Variants in MAST4 observed in about 807,000 individuals in gnomAD.
MAST4 encodes microtubule associated serine/threonine kinase family member 4.
A neutral mutation model predicts 162.7 loss-of-function variants in MAST4; 89 were observed. That is an observed-to-expected ratio of 0.55 (90% CI 0.46 to 0.65). The LOEUF (loss-of-function observed/expected upper bound fraction) is 0.65, where lower values mean the gene tolerates loss of function less well. Among genes scored for constraint, MAST4 ranks in the 30% least tolerant of loss-of-function variants. The pLI is 0.00. For synonymous variants in MAST4, 1,479 were observed against 1,361.1 expected, an observed-to-expected ratio of 1.09 and a Z score of -1.91; for missense variants, 3,153 against 3,374.0, an observed-to-expected ratio of 0.93 and a Z score of 1.62.
intron 1 of MAST4, among the ~76,000 whole-genome samples, chr5:66,708,232 G>A (rs1282429127): frequency 1.3e-5 from 2 of 152,094 alleles, no homozygotes; most frequent in East Asian, 1.9e-4. Context: ...GATGAGGTTC[G>A]TGCCTTAGCT....
At chr5:66,677,862 G>C (rs1022260440) in intron 1 of MAST4, among the ~76,000 whole-genome samples, 3 of 152,134 alleles carry the variant, frequency 2.0e-5, no homozygotes, top group African/African-American at 4.8e-5. Context: ...CAGGGTTCTT[G>C]TGATGTAGCT....
chr5:66,844,106 G>T (rs1029144450), intron 3 of MAST4, among the ~76,000 whole-genome samples: 1 of 149,780 alleles, frequency 6.7e-6, no homozygotes. Flanking sequence ...TGTAAAGTCT[G>T]GCATTCATCT....
intron 1 of MAST4, among the ~76,000 whole-genome samples, chr5:66,678,140 T>C (rs1748080398): frequency 6.6e-6 from 1 of 151,666 alleles, no homozygotes; most frequent in Admixed American, 6.6e-5. Context: ...TTATGTTAAC[T>C]GAAATAAGCC....
chr5:66,995,211 T>C (rs921103582), intron 4 of MAST4, among the ~76,000 whole-genome samples: 5 of 152,212 alleles, frequency 3.3e-5, no homozygotes, highest in Admixed American at 3.3e-4. Context: ...CATAGAGCTT[T>C]TATTAATGCA....
At chr5:66,926,654 A>G (rs28470833) in intron 4 of MAST4, among the ~76,000 whole-genome samples, 4 of 151,790 alleles carry the variant, frequency 2.6e-5, no homozygotes, top group African/African-American at 7.3e-5. Flanking sequence ...GTGTATATGT[A>G]TATATATGTG....
chr5:66,946,445 A>T lies in MAST4; in HGVS notation c.674+46463A>T, dbSNP rs1744035757. ...TTTCATTTACCGCCTCAGGTAAAAT[A>T]AATAAATAAATGAATTCTATTCCCT... On this transcript the variant is annotated intron_variant, in intron 4 of 28. Coordinates refer to ENST00000403625, the MANE Select transcript of MAST4 (RefSeq NM_001164664.2). Among the ~76,000 whole-genome samples, 6 of 152,174 alleles carry T rather than the reference A, an allele frequency of 3.9e-5. No homozygotes were observed. In the South Asian group the frequency reaches 1.2e-3, roughly 31 times the overall value.
At chr5:66,807,468 A>G (rs1012988103) in intron 3 of MAST4, among the ~76,000 whole-genome samples, 2 of 151,440 alleles carry the variant, frequency 1.3e-5, no homozygotes, top group Non-Finnish European at 1.5e-5. Flanking sequence ...TGCAGTCCGC[A>G]GTCCGGCCTG....
chr5:67,049,937 A>G (rs1411597299), intron 4 of MAST4, among the ~76,000 whole-genome samples: 1 of 152,212 alleles, frequency 6.6e-6, no homozygotes, highest in Non-Finnish European at 1.5e-5. Context: ...TTCTTCTGCC[A>G]GGAGACAAGT....
intron 4 of MAST4, among the ~76,000 whole-genome samples, chr5:67,022,480 T>G (rs947350544): frequency 3.3e-5 from 5 of 151,914 alleles, no homozygotes; most frequent in Admixed American, 2.0e-4. Context: ...TGCATATACT[T>G]TAGGACGAAG....
At chr5:66,887,731 A>C (rs1762127703) in intron 3 of MAST4, among the ~76,000 whole-genome samples, 1 of 152,326 alleles carries the variant, frequency 6.6e-6, no homozygotes, top group South Asian at 2.1e-4. Flanking sequence ...CTGTGTGAGA[A>C]AATGTCCCTT....
intron 4 of MAST4, among the ~76,000 whole-genome samples, chr5:66,960,480 A>T (rs904241314): frequency 2.0e-5 from 3 of 149,200 alleles, no homozygotes; most frequent in Non-Finnish European, 4.4e-5. Context: ...TCCCATCTCC[A>T]CCCCCACCCT....
chr5:66,638,936 T>A (rs1745303181), intron 1 of MAST4, among the ~76,000 whole-genome samples: 1 of 152,154 alleles, frequency 6.6e-6, no homozygotes, highest in South Asian at 2.1e-4. Context: ...AAGCAGTAGT[T>A]AAGGGTTCTG....
intron 5 of MAST4, among the ~76,000 whole-genome samples, chr5:67,088,097 G>A (rs1043883130): frequency 1.3e-5 from 2 of 152,090 alleles, no homozygotes; most frequent in African/African-American, 4.8e-5. Flanking sequence ...TCAGCATGGG[G>A]ACCATTCACT....
intron 4 of MAST4, among the ~76,000 whole-genome samples, chr5:66,995,711 T>A (rs1051776976): frequency 1.1e-4 from 16 of 152,190 alleles, no homozygotes; most frequent in African/African-American, 3.4e-4. Flanking sequence ...GAAAATTTTT[T>A]AAATTTAAAA....
chr5:66,915,256 A>T, intron 4 of MAST4, among the ~76,000 whole-genome samples: 1 of 134,336 alleles, frequency 7.4e-6, no homozygotes, highest in Non-Finnish European at 1.5e-5. Context: ...TCAGAGTGAG[A>T]CTCTTGTCTC....
At chr5:66,905,302 C>CAAAAAAAAAAAAAAA (rs60337775) in intron 4 of MAST4, among the ~76,000 whole-genome samples, 1 of 78,456 alleles carries the variant, frequency 1.3e-5, no homozygotes, top group East Asian at 4.3e-4. Flanking sequence ...AACTCTGTCT[C>CAAAAAAAAAAAAAAA]AAAAAAAAAA....
intron 1 of MAST4, among the ~76,000 whole-genome samples, chr5:66,615,181 G>A (rs1273136599): frequency 1.3e-5 from 2 of 152,154 alleles, no homozygotes; most frequent in African/African-American, 4.8e-5. Context: ...GAGAAAGTGA[G>A]TAGATTTCCC....
chr5:66,760,077 CTATTTATTTATTTATT>C (rs1554049949), intron 2 of MAST4, among the ~76,000 whole-genome samples: 6 of 147,174 alleles, frequency 4.1e-5, no homozygotes, highest in African/African-American at 1.5e-4. Context: ...ACAATATCCC[CTATTTATTTATTTATT>C]TATTTATTTA....
intron 3 of MAST4, among the ~76,000 whole-genome samples, chr5:66,801,417 T>C (rs1408644148): frequency 6.6e-6 from 1 of 152,214 alleles, no homozygotes; most frequent in Non-Finnish European, 1.5e-5. Context: ...ACATACCAGC[T>C]ATCAGCTTCA....
Sources: gnomAD v4.1 joint callset for allele counts (sites outside exome capture counted in the v4.1 genomes callset) on GRCh38, gnomAD v4.1.1 for gene constraint, MANE v1.5 for transcripts, NCBI Gene and HGNC (gene_info 2026-07-23, HGNC 2026-07-21) for gene names.